The following HTR1E variants were observed in gnomAD, a reference collection of about 807,000 sequenced individuals.
HTR1E encodes 5-HT-1E.
A neutral mutation model predicts 3.4 loss-of-function variants in HTR1E; 3 were observed. The ratio of observed to expected loss-of-function variants is 0.89; its 90% CI spans 0.41 to 2.31. The LOEUF (loss-of-function observed/expected upper bound fraction) is 2.31. Among genes scored for constraint, HTR1E ranks in the 30% most tolerant of loss-of-function variants. The pLI is 0.05. For missense variants in HTR1E, 392 were observed against 467.0 expected, an observed-to-expected ratio of 0.84 and a Z score of 1.48; for synonymous variants, 170 against 182.8, an observed-to-expected ratio of 0.93 and a Z score of 0.56.
chr6:86,976,205 T>A (rs1329268331), intron 1 of HTR1E, among the ~76,000 whole-genome samples: 1 of 151,824 alleles, frequency 6.6e-6, no homozygotes, highest in Non-Finnish European at 1.5e-5. Context: ...ATGAGGAAAG[T>A]AGCAAGAAGG....
rs182188977 is a variant in HTR1E, at chr6:86,962,833, G to A, written c.-186+25010G>A. Among the ~76,000 whole-genome samples, 158 of 152,056 alleles carry A rather than the reference G, an allele frequency of 1.0e-3. 1 individual carries two copies. The highest frequency in any genetic ancestry group is 3.4e-3 in the Middle Eastern group (1 of 294). ...AGCCTGGGTGACAGAGCGAGACCCTGTCTCCAAAAATAAGATAAAAAATAA... is the reference window on the plus strand; with the variant it reads ...AGCCTGGGTGACAGAGCGAGACCCTATCTCCAAAAATAAGATAAAAAATAA... On this transcript the variant is annotated intron_variant, in intron 1 of 1. Coordinates refer to ENST00000305344, the MANE Select transcript of HTR1E (RefSeq NM_000865.3).
rs573784345 is a variant in HTR1E, at chr6:86,997,958, T to C, written c.-185-17192T>C. 4.6e-5 allele frequency among the ~76,000 whole-genome samples: 7 copies of C among 152,128 alleles called. No homozygotes were observed. In the South Asian group the frequency reaches 6.2e-4, roughly 14 times the overall value. ...AGTTGGAATGGCTATATTAATATTA[T>C]ACAAACTAAACATCAGAACAGAGAA... On this transcript the variant is annotated intron_variant, in intron 1 of 1. Transcript: ENST00000305344.
chr6:87,005,756 G>A (rs1486144341), intron 1 of HTR1E, among the ~76,000 whole-genome samples: 1 of 152,092 alleles, frequency 6.6e-6, no homozygotes, highest in African/African-American at 2.4e-5. Flanking sequence ...ACATTAAAAA[G>A]CTTCTTCACA....
intron 1 of HTR1E, among the ~76,000 whole-genome samples, chr6:86,939,601 G>A (rs955131153): frequency 1.3e-5 from 2 of 152,174 alleles, no homozygotes; most frequent in Non-Finnish European, 2.9e-5. Context: ...TCCCTTACGT[G>A]CTTGTTTTCG....
Position 87,015,334 on chromosome 6 carries a change from C to T in HTR1E, c.-1C>T. 3.9e-6 allele frequency: 6 copies of T among 1,539,274 alleles called. No individual in the cohort carries two copies. Among genetic ancestry groups the T allele is most frequent in the Non-Finnish European group, 5.3e-6 (6 of 1,139,290 alleles). ...ACAGTGTAGACTGAAACAAGGGAAA[C>T]ATGAACATCACAAACTGTACCACAG... On this transcript the variant is annotated 5_prime_UTR_variant, in exon 2 of 2. Coordinates refer to ENST00000305344, the MANE Select transcript of HTR1E (RefSeq NM_000865.3).
chr6:86,982,539 G>A (rs760273433), intron 1 of HTR1E, among the ~76,000 whole-genome samples: 2 of 152,160 alleles, frequency 1.3e-5, no homozygotes, highest in Non-Finnish European at 2.9e-5. Context: ...AGGGGTCTGG[G>A]GCAGGCACTG....
chr6:86,977,041 T>C (rs2083864547), intron 1 of HTR1E, among the ~76,000 whole-genome samples: 1 of 152,188 alleles, frequency 6.6e-6, no homozygotes, highest in African/African-American at 2.4e-5. Flanking sequence ...TATGAAAACC[T>C]CGGTATGGTG....
chr6:86,957,116 C>T lies in HTR1E; in HGVS notation c.-186+19293C>T, dbSNP rs1767337352. Among the ~76,000 whole-genome samples, 3 of 152,176 alleles carry T rather than the reference C, an allele frequency of 2.0e-5. No homozygotes were observed. In the South Asian group the frequency reaches 6.2e-4, roughly 32 times the overall value. The stretch of plus-strand genomic sequence containing the variant: ...TCAGAAATCCAACAAACCTATGGCA[C>T]TCAAACAGCTTAGTAAAACCTACCC... On this transcript the variant is annotated intron_variant, in intron 1 of 1. Transcript: ENST00000305344.
intron 1 of HTR1E, among the ~76,000 whole-genome samples, chr6:86,940,140 A>G (rs1474377192): frequency 6.6e-6 from 1 of 152,094 alleles, no homozygotes; most frequent in South Asian, 2.1e-4. Flanking sequence ...AAGGTATATC[A>G]TTCACAGCAC....
At chr6:86,966,785 C>G (rs1767477028) in intron 1 of HTR1E, among the ~76,000 whole-genome samples, 2 of 152,178 alleles carry the variant, frequency 1.3e-5, no homozygotes, top group Non-Finnish European at 2.9e-5. Flanking sequence ...ACCAACATAT[C>G]TGAAGGCTTG....
chr6:86,944,456 T>C (rs1044956545), intron 1 of HTR1E, among the ~76,000 whole-genome samples: 17 of 152,234 alleles, frequency 1.1e-4, no homozygotes, highest in Admixed American at 2.0e-4. Flanking sequence ...AGATAATCTG[T>C]CAAAGAATTT....
At chr6:86,942,338 T>G (rs894017017) in intron 1 of HTR1E, among the ~76,000 whole-genome samples, 1 of 152,212 alleles carries the variant, frequency 6.6e-6, no homozygotes, top group South Asian at 2.1e-4. Context: ...AATTGTATAC[T>G]TACTTAAGTA....
At chr6:86,991,329 A>G (rs1767867835) in intron 1 of HTR1E, among the ~76,000 whole-genome samples, 1 of 152,192 alleles carries the variant, frequency 6.6e-6, no homozygotes, top group Admixed American at 6.5e-5. Context: ...GTAACGAGCC[A>G]ATGTCTTTTT....
At chr6:86,985,122 T>C (rs1296732419) in intron 1 of HTR1E, among the ~76,000 whole-genome samples, 1 of 152,144 alleles carries the variant, frequency 6.6e-6, no homozygotes, top group Admixed American at 6.5e-5. Flanking sequence ...ACTAAACATC[T>C]ACCGGCTGGC....
At chr6:86,988,177 T>C (rs1401877624) in intron 1 of HTR1E, among the ~76,000 whole-genome samples, 1 of 152,186 alleles carries the variant, frequency 6.6e-6, no homozygotes, top group Non-Finnish European at 1.5e-5. Context: ...ATCTAAGTTA[T>C]CAGACCCTTC....
chr6:86,998,341 G>A (rs905703730), intron 1 of HTR1E, among the ~76,000 whole-genome samples: 1 of 151,954 alleles, frequency 6.6e-6, no homozygotes, highest in Non-Finnish European at 1.5e-5. Flanking sequence ...CATAAAATAA[G>A]TCTCAGCAAA....
intron 1 of HTR1E, among the ~76,000 whole-genome samples, chr6:86,995,665 C>CAAAAAAAAAAAAAAAAAAAAAAA (rs60134206): frequency 3.0e-4 from 11 of 36,686 alleles, no homozygotes; most frequent in South Asian, 1.3e-3. Context: ...GACTCCATCT[C>CAAAAAAAAAAAAAAAAAAAAAAA]AAAAAAAAAA....
Position 87,015,604 on chromosome 6 carries a change from T to A in HTR1E, c.270T>A (p.Leu90=). 1 of 1,614,132 alleles carries A rather than the reference T, an allele frequency of 6.2e-7. No homozygotes were observed. The highest frequency in any genetic ancestry group is 8.5e-7 in the Non-Finnish European group (1 of 1,180,002). ...ACATTGTCATGGATCGCTGGAAGCT[T>A]GGGTACTTCCTCTGTGAGGTGTGGC... is the stretch of plus-strand genomic sequence containing the variant. ...IIYIVMDRWK[L]GYFLCEVWLS... is the part of the protein sequence containing the mutation. Residue 90 remains leucine (L), a synonymous_variant, in exon 2 of 2, where the codon CTT becomes CTA. Coordinates refer to ENST00000305344, the MANE Select transcript of HTR1E (RefSeq NM_000865.3).
At chr6:86,960,466 T>A (rs544947477) in intron 1 of HTR1E, among the ~76,000 whole-genome samples, 30 of 152,290 alleles carry the variant, frequency 2.0e-4, no homozygotes, top group Non-Finnish European at 3.8e-4. Flanking sequence ...ACCAGGCAAG[T>A]TTGAAAAGCT....
Sources: allele counts gnomAD v4.1 joint callset (sites outside exome capture counted in the v4.1 genomes callset), GRCh38; gene constraint gnomAD v4.1.1; transcripts MANE v1.5; gene names NCBI Gene and HGNC (gene_info 2026-07-23, HGNC 2026-07-21).